The following TRAF2 variants were observed in gnomAD, a reference collection of about 807,000 sequenced individuals.
The protein encoded by TRAF2 is TNF receptor associated factor 2.
TRAF2 carries 6 observed loss-of-function variants against 55.6 expected under a neutral mutation model. The observed-to-expected ratio is 0.11, with a 90% CI of 0.06 to 0.21. The LOEUF is 0.21. Among genes scored for constraint, TRAF2 ranks in the 10% least tolerant of loss-of-function variants. The probability of loss-of-function intolerance (pLI) is 1.00; values close to 1 mark genes in which losing one functional copy is unlikely to be tolerated. For synonymous variants in TRAF2, 329 were observed against 276.3 expected, an observed-to-expected ratio of 1.19 and a Z score of -1.89; for missense variants, 561 against 684.5, an observed-to-expected ratio of 0.82 and a Z score of 2.01.
intron 2 of TRAF2, 85 bp from the exon 3 acceptor site, chr9:136,899,509 G>A: frequency 8.1e-7 from 1 of 1,238,948 alleles, no homozygotes; most frequent in South Asian, 1.3e-5. Flanking sequence ...TGGTGTGGAG[G>A]TAGGTTTTTG....
chr9:136,923,952 G>A lies in TRAF2; in HGVS notation c.1239G>A (p.Val413=). Residue 413 remains valine (V), a synonymous_variant, in exon 10 of 11, where the codon GTG becomes GTA. Transcript: ENST00000247668. ...RGTHLSLFFV[V]MKGPNDALLR... is the part of the protein sequence containing the mutation. ...CACACCTGTCCCTCTTCTTTGTGGT[G>A]ATGAAGGGCCCGAATGACGCCCTGC... 1 of 1,614,022 alleles carries A rather than the reference G, an allele frequency of 6.2e-7. No individual in the cohort carries two copies. The highest frequency in any genetic ancestry group is 8.5e-7 in the Non-Finnish European group (1 of 1,180,006).
rs140589029 is a variant in TRAF2, at chr9:136,921,236, C to T, written c.1138+21C>T. 263 of 1,612,606 alleles carry T rather than the reference C, an allele frequency of 1.6e-4. 1 individual carries two copies. Among genetic ancestry groups the T allele is most frequent in the Admixed American group, 4.7e-4 (28 of 60,016 alleles). ...CCCAGGTGTGGTTCTAGGACCCCCACCTCACTGCAGCTGCTGTTTACTTGG... is the reference window on the plus strand; with the variant it reads ...CCCAGGTGTGGTTCTAGGACCCCCATCTCACTGCAGCTGCTGTTTACTTGG... On this transcript the variant is annotated intron_variant, in intron 9 of 10. Transcript: ENST00000247668.
chr9:136,910,716 T>C (rs4880159), intron 6 of TRAF2, among the ~76,000 whole-genome samples: 120,257 of 152,182 alleles, frequency 0.79, 48,104 homozygotes, highest in African/African-American at 0.92. Context: ...TGGCCAGGCC[T>C]GCCCGCGGGC....
chr9:136,882,557 C>A, upstream of TRAF2: 1 of 546,872 alleles, frequency 1.8e-6, no homozygotes, highest in Non-Finnish European at 2.3e-6. Flanking sequence ...AACCCCCATC[C>A]TCAGGCAGTG....
In TRAF2 at chr9:136,904,631, T is replaced by A. The variant is rs112176613; in HGVS notation, c.367-3439T>A. Among the ~76,000 whole-genome samples the A allele has an allele frequency of 2.7e-3, 413 of 152,064 alleles. 1 individual carries two copies. Among genetic ancestry groups the A allele is most frequent in the African/African-American group, 9.3e-3 (386 of 41,478 alleles). On this transcript the variant is annotated intron_variant, in intron 4 of 10. Coordinates refer to ENST00000247668, the MANE Select transcript of TRAF2 (RefSeq NM_021138.4). The stretch of plus-strand genomic sequence containing the variant: ...ACTGTGTTAGCCAGGATGGTCTCAA[T>A]CTCCTGAGCTCGTGATCCACCCGCC...
intron 7 of TRAF2, among the ~76,000 whole-genome samples, chr9:136,918,550 A>T (rs1486557224): frequency 6.6e-6 from 1 of 151,762 alleles, no homozygotes; most frequent in Non-Finnish European, 1.5e-5. Context: ...TCAGCCTCCT[A>T]AAGTGCTGGG....
intron 7 of TRAF2, among the ~76,000 whole-genome samples, chr9:136,918,051 A>G (rs1331942238): frequency 6.6e-6 from 1 of 150,852 alleles, no homozygotes; most frequent in Non-Finnish European, 1.5e-5. Flanking sequence ...TGCTTTTTCC[A>G]CGCCGCGCAC....
chr9:136,893,926 T>C (rs1436663012), intron 1 of TRAF2, among the ~76,000 whole-genome samples: 2 of 151,662 alleles, frequency 1.3e-5, no homozygotes, highest in African/African-American at 4.9e-5. Flanking sequence ...ATTTTTGTAT[T>C]TTTACTAGAG....
Position 136,925,932 on chromosome 9 carries a change from G to A in TRAF2, c.*31G>A. 1.2e-6 allele frequency: 2 copies of A among 1,611,944 alleles called. No individual in the cohort carries two copies. Among genetic ancestry groups the A allele is most frequent in the Non-Finnish European group, 8.5e-7 (1 of 1,178,890 alleles). On this transcript the variant is annotated 3_prime_UTR_variant, in exon 11 of 11. Coordinates refer to ENST00000247668, the MANE Select transcript of TRAF2 (RefSeq NM_021138.4). ...CCCTACTGGTGTCTGGGGGTTGGGG[G>A]CAGCCAGGCACAGCCGGCTCACGGA...
At chr9:136,924,556 G>C (rs1320607389) in intron 10 of TRAF2, among the ~76,000 whole-genome samples, 1 of 151,774 alleles carries the variant, frequency 6.6e-6, no homozygotes, top group African/African-American at 2.4e-5. Context: ...AGCAAGAGGG[G>C]GCTCTAAATA....
In TRAF2 at chr9:136,925,637, G is replaced by C. The variant is rs1165240970; in HGVS notation, c.1288-46G>C. 1.9e-6 allele frequency: 3 copies of C among 1,595,474 alleles called. No individual in the cohort carries two copies. In the African/African-American group the frequency reaches 4.0e-5, roughly 21 times the overall value. On this transcript the variant is annotated intron_variant, in intron 10 of 10. Transcript: ENST00000247668. Reference sequence around the variant, plus strand: ...TCCAGACCCTCGGGAGCCAGAGAGAGACGGCCCACAGACCTGTGTCCCCTC... The same window carrying C: ...TCCAGACCCTCGGGAGCCAGAGAGACACGGCCCACAGACCTGTGTCCCCTC...
chr9:136,896,727 G>A (rs1381461076), intron 1 of TRAF2, among the ~76,000 whole-genome samples: 1 of 152,032 alleles, frequency 6.6e-6, no homozygotes, highest in African/African-American at 2.4e-5. Context: ...TGCAACCTCA[G>A]CCTCCTGAGT....
chr9:136,885,638 G>C (rs1849430416), upstream of TRAF2, among the ~76,000 whole-genome samples: 1 of 152,144 alleles, frequency 6.6e-6, no homozygotes, highest in Non-Finnish European at 1.5e-5. Context: ...CGTGATGGCG[G>C]GCGCCTGTAG....
At chr9:136,886,562 G>A in intron 1 of TRAF2, 21 bp downstream of exon 1, 2 of 983,574 alleles carry the variant, frequency 2.0e-6, no homozygotes, top group South Asian at 9.1e-5. Context: ...CGCGGGGTCG[G>A]GTGCGGGGTC....
chr9:136,923,590 AC>A (rs1464688625), intron 9 of TRAF2, among the ~76,000 whole-genome samples: 1 of 140,944 alleles, frequency 7.1e-6, no homozygotes, highest in East Asian at 2.2e-4. Context: ...AGCCTGGGCA[AC>A]AAGAGTGAGA....
chr9:136,886,482 G>GGCGGCGTTGGGGGCGGTA, upstream of TRAF2: 1 of 1,004,184 alleles, frequency 1.0e-6, no homozygotes, highest in Non-Finnish European at 1.2e-6. Context: ...CGGCGGCGGC[G>GGCGGCGTTGGGGGCGGTA]GCGGCGTTGG....
intron 7 of TRAF2, chr9:136,916,821 GC>G (rs17244446): frequency 6.9e-5 from 40 of 583,366 alleles, no homozygotes; most frequent in Non-Finnish European, 1.1e-4. Flanking sequence ...GCATTGTAGT[GC>G]CTGGCTTTGA....
At chr9:136,910,404 C>T (rs1038338163) in intron 6 of TRAF2, among the ~76,000 whole-genome samples, 10 of 152,166 alleles carry the variant, frequency 6.6e-5, no homozygotes, top group African/African-American at 1.7e-4. Flanking sequence ...CTGCCACAGC[C>T]GTGAAATGTG....
At position 136,925,987 on chromosome 9, in the gene TRAF2, T is replaced by C. The variant is rs759286755; in HGVS notation, c.*86T>C. The C allele has an allele frequency of 6.5e-7, 1 of 1,528,840 alleles. No individual in the cohort carries two copies. The highest frequency in any genetic ancestry group is 1.7e-5 in the Admixed American group (1 of 58,664). 94.7% of individuals were successfully genotyped at this position (1,528,840 alleles called of 1,614,324 possible). A position where few individuals can be genotyped will look rare whatever the true frequency, so the allele number is the denominator to read the frequency against. ...CCACCACGCTGGGCCAGGGTCTCAC[T>C]GTACAAGTGGGCAGGGGCCGCGCTT... is the stretch of plus-strand genomic sequence containing the variant. On this transcript the variant is annotated 3_prime_UTR_variant, in exon 11 of 11. Transcript: ENST00000247668.
Sources: allele counts gnomAD v4.1 joint callset (sites outside exome capture counted in the v4.1 genomes callset), GRCh38; gene constraint gnomAD v4.1.1; transcripts MANE v1.5; gene names NCBI Gene and HGNC (gene_info 2026-07-23, HGNC 2026-07-21).